BACH2: variants seen among roughly 807,000 people sequenced by gnomAD.
BACH2 encodes the protein transcription regulator protein BACH2.
A neutral mutation model predicts 61.8 loss-of-function variants in BACH2; 5 were observed. That is an observed-to-expected ratio of 0.08 (90% CI 0.04 to 0.17). The LOEUF (loss-of-function observed/expected upper bound fraction) is 0.17. BACH2 is among the 10% of genes least tolerant of loss of function. BACH2 has a pLI of 1.00. For synonymous variants in BACH2, 446 were observed against 440.1 expected (o/e 1.01, Z -0.17); for missense variants, 824 against 1,091.1 (o/e 0.76, Z 3.45).
chr6:89,953,748 G>C (rs1774259211), intron 6 of BACH2, among the ~76,000 whole-genome samples: 1 of 152,170 alleles, frequency 6.6e-6, no homozygotes. Context: ...GTGTATGCAA[G>C]GTGACAACAC....
chr6:90,034,465 G>A (rs1298387404), intron 5 of BACH2, among the ~76,000 whole-genome samples: 1 of 152,116 alleles, frequency 6.6e-6, no homozygotes, highest in Non-Finnish European at 1.5e-5. Context: ...AGTATTGTGT[G>A]AGTTTTTGGC....
intron 4 of BACH2, among the ~76,000 whole-genome samples, chr6:90,126,234 T>C (rs766491543): frequency 3.9e-5 from 6 of 152,178 alleles, no homozygotes; most frequent in African/African-American, 9.6e-5. Flanking sequence ...ACCTTAAGGA[T>C]TGTGCATGCT....
chr6:89,973,183 T>C (rs1297682030), intron 6 of BACH2, among the ~76,000 whole-genome samples: 3 of 152,018 alleles, frequency 2.0e-5, no homozygotes, highest in South Asian at 2.1e-4. Context: ...AAGGGGATCG[T>C]TTGAGCCCAA....
At chr6:90,211,461 C>T (rs1381544926) in intron 3 of BACH2, among the ~76,000 whole-genome samples, 1 of 152,116 alleles carries the variant, frequency 6.6e-6, no homozygotes, top group African/African-American at 2.4e-5. Flanking sequence ...CCATCAACCT[C>T]CATCTACCAT....
intron 3 of BACH2, among the ~76,000 whole-genome samples, chr6:90,243,295 TAAG>T (rs1562523229): frequency 1.3e-5 from 2 of 152,176 alleles, no homozygotes; most frequent in East Asian, 1.9e-4. Flanking sequence ...ATGCAATTCT[TAAG>T]AAGGTGACTA....
At chr6:90,096,127 C>G (rs889178848) in intron 4 of BACH2, among the ~76,000 whole-genome samples, 1 of 152,210 alleles carries the variant, frequency 6.6e-6, no homozygotes, top group Admixed American at 6.5e-5. Context: ...GGTCCCACAG[C>G]AATTTAACTA....
chr6:89,981,298 AT>A (rs71556547), intron 6 of BACH2, among the ~76,000 whole-genome samples: 7 of 148,952 alleles, frequency 4.7e-5, no homozygotes, highest in Admixed American at 1.4e-4. Flanking sequence ...TGCCTGGCTA[AT>A]TTTTTTTTTC....
At chr6:90,161,457 G>A (rs1035003915) in intron 4 of BACH2, among the ~76,000 whole-genome samples, 3 of 152,092 alleles carry the variant, frequency 2.0e-5, no homozygotes, top group Admixed American at 2.0e-4. Context: ...TGGTAATACT[G>A]ATATCACTAT....
intron 6 of BACH2, among the ~76,000 whole-genome samples, chr6:89,980,548 G>A (rs992478749): frequency 6.6e-5 from 10 of 152,196 alleles, no homozygotes; most frequent in Admixed American, 6.5e-5. Flanking sequence ...TAGACCACAA[G>A]GGCTAATGTT....
At chr6:89,976,454 A>G (rs1361960063) in intron 6 of BACH2, among the ~76,000 whole-genome samples, 1 of 152,226 alleles carries the variant, frequency 6.6e-6, no homozygotes, top group African/African-American at 2.4e-5. Flanking sequence ...CTTGAAAGAT[A>G]TATGAACCAC....
At chr6:90,189,977 A>G (rs1040025756) in intron 4 of BACH2, among the ~76,000 whole-genome samples, 1 of 151,838 alleles carries the variant, frequency 6.6e-6, no homozygotes, top group Non-Finnish European at 1.5e-5. Flanking sequence ...GGAGTCTTGC[A>G]CTGTCACCTG....
chr6:90,038,930 C>G (rs1420034364), intron 5 of BACH2, among the ~76,000 whole-genome samples: 1 of 151,692 alleles, frequency 6.6e-6, no homozygotes, highest in East Asian at 1.9e-4. Flanking sequence ...ATCCCAGCTA[C>G]TCAGGAGGCT....
chr6:90,175,642 G>T (rs1294168640), intron 4 of BACH2, among the ~76,000 whole-genome samples: 3 of 151,996 alleles, frequency 2.0e-5, no homozygotes, highest in Non-Finnish European at 4.4e-5. Context: ...AGGCAAACAG[G>T]TTGACTAAGA....
At chr6:89,958,189 C>T (rs1018603425) in intron 6 of BACH2, among the ~76,000 whole-genome samples, 7 of 152,086 alleles carry the variant, frequency 4.6e-5, no homozygotes, top group Non-Finnish European at 7.4e-5. Context: ...CTATGTTGTC[C>T]AGGCTGGCCT....
intron 5 of BACH2, among the ~76,000 whole-genome samples, chr6:90,016,379 T>C (rs1778060464): frequency 6.6e-6 from 1 of 152,208 alleles, no homozygotes; most frequent in Admixed American, 6.5e-5. Flanking sequence ...TTTTTTATGA[T>C]TCAATTTCAT....
At chr6:90,295,822 T>C (rs770000066) in intron 1 of BACH2, among the ~76,000 whole-genome samples, 1 of 152,098 alleles carries the variant, frequency 6.6e-6, no homozygotes, top group African/African-American at 2.4e-5. Flanking sequence ...TCGATCCAGG[T>C]CTGCGCCGCG....
intron 4 of BACH2, among the ~76,000 whole-genome samples, chr6:90,168,918 C>T (rs1292372189): frequency 2.0e-5 from 3 of 152,062 alleles, no homozygotes; most frequent in East Asian, 1.9e-4. Flanking sequence ...ACTGAAAACT[C>T]GGTTTTGTAA....
chr6:90,072,273 G>C (rs1056661195), intron 5 of BACH2, among the ~76,000 whole-genome samples: 4 of 152,276 alleles, frequency 2.6e-5, no homozygotes, highest in Admixed American at 1.3e-4. Flanking sequence ...GCCTCTACTT[G>C]AGTGAACTGT....
At chr6:90,010,391 T>TA (rs1483724887) in intron 5 of BACH2, among the ~76,000 whole-genome samples, 1 of 152,256 alleles carries the variant, frequency 6.6e-6, no homozygotes, top group African/African-American at 2.4e-5. Context: ...CTATTCAGCA[T>TA]AATTATTTCA....
Sources: gnomAD v4.1 joint callset for allele counts (sites outside exome capture counted in the v4.1 genomes callset) on GRCh38, gnomAD v4.1.1 for gene constraint, MANE v1.5 for transcripts, NCBI Gene and HGNC (gene_info 2026-07-23, HGNC 2026-07-21) for gene names.